The following BICRA variants were observed in gnomAD, a reference collection of about 807,000 sequenced individuals.
BICRA encodes BRD4-interacting chromatin-remodeling complex-associated protein.
BICRA carries 31 observed loss-of-function variants against 96.9 expected under a neutral mutation model. The observed-to-expected ratio is 0.32, with a 90% CI of 0.24 to 0.43. BICRA has a LOEUF of 0.43. BICRA is among the 20% of genes least tolerant of loss of function. The pLI is 1.00. For synonymous variants in BICRA, 1,350 were observed against 1,071.8 expected (o/e 1.26, Z -5.07); for missense variants, 2,283 against 2,190.3 (o/e 1.04, Z -0.84).
At chr19:47,674,629 G>A (rs968028090) in intron 4 of BICRA, among the ~76,000 whole-genome samples, 4 of 152,210 alleles carry the variant, frequency 2.6e-5, no homozygotes, top group African/African-American at 9.7e-5. Flanking sequence ...CAAGCTGTAG[G>A]CTGGGGCTGC....
At position 47,701,280 on chromosome 19, in the gene BICRA, G is replaced by A. The variant is rs746516144; in HGVS notation, c.3596-48G>A. On this transcript the variant is annotated intron_variant, in intron 14 of 14. Transcript: ENST00000594866. This position sits in a 1 kb window ranked among gnomAD's most constrained non-coding sequence, Gnocchi z 5.4. ...ACACAGCTCCTCCCAGCTCGGTCGGGGGGTCCTCATCCTAACCCCGCGGGT... is the reference window on the plus strand; with the variant it reads ...ACACAGCTCCTCCCAGCTCGGTCGGAGGGTCCTCATCCTAACCCCGCGGGT... 1.9e-5 allele frequency: 26 copies of A among 1,383,248 alleles called. No homozygotes were observed. The South Asian group carries it at 2.6e-4, about 14-fold the overall frequency. The allele number at this position is 1,383,248 out of a possible 1,614,324, so 85.7% of individuals were successfully genotyped here.
At position 47,694,462 on chromosome 19, in the gene BICRA, C is replaced by T. The variant is rs1465170411; in HGVS notation, c.2631C>T (p.Pro877=). 2 of 1,116,144 alleles carry T rather than the reference C, an allele frequency of 1.8e-6. No individual in the cohort carries two copies. The highest frequency in any genetic ancestry group is 1.3e-5 in the South Asian group (1 of 78,534). 69.1% of individuals were successfully genotyped at this position (1,116,144 alleles called of 1,614,324 possible). Residue 877 remains proline, a synonymous_variant, in exon 8 of 15, where the codon CCC becomes CCT. Coordinates refer to ENST00000594866, the MANE Select transcript of BICRA (RefSeq NM_001394372.1). ...CTGAGGGACCGCTGCCCCCAGCCCC[C>T]CACCTCCCTCCATCCTCCACCTCCT... ...QPPEGPLPPA[P]HLPPSSTSSA... is the part of the protein sequence containing the mutation.
intron 1 of BICRA, among the ~76,000 whole-genome samples, chr19:47,617,096 G>A (rs945372483): frequency 1.2e-3 from 4 of 3,438 alleles, no homozygotes; most frequent in Non-Finnish European, 2.4e-3. Flanking sequence ...CCAAAGTGCT[G>A]GGATTACAAA....
intron 1 of BICRA, among the ~76,000 whole-genome samples, chr19:47,633,227 C>T (rs1167651910): frequency 6.6e-6 from 1 of 151,570 alleles, no homozygotes; most frequent in Non-Finnish European, 1.5e-5. Context: ...TTATAGGTGC[C>T]CGCCACCACG....
intron 7 of BICRA, among the ~76,000 whole-genome samples, chr19:47,685,800 CATGCGT>C (rs1973147916): frequency 1.5e-5 from 2 of 137,730 alleles, no homozygotes; most frequent in East Asian, 2.1e-4. Flanking sequence ...CGCGCGCGCG[CATGCGT>C]ACATTTTCCC....
intron 1 of BICRA, among the ~76,000 whole-genome samples, chr19:47,620,941 C>G (rs1446477934): frequency 1.3e-5 from 2 of 152,126 alleles, no homozygotes; most frequent in African/African-American, 4.8e-5. Flanking sequence ...GGTCTTGGAG[C>G]CCCACTCGAT....
chr19:47,667,408 T>TC (rs1278474804), intron 1 of BICRA, among the ~76,000 whole-genome samples: 2 of 152,136 alleles, frequency 1.3e-5, no homozygotes, highest in Non-Finnish European at 2.9e-5. Context: ...AAATTCACCC[T>TC]CGGGACTGGT....
At chr19:47,668,225 G>A (rs1972811594) in intron 1 of BICRA, among the ~76,000 whole-genome samples, 2 of 152,166 alleles carry the variant, frequency 1.3e-5, no homozygotes, top group South Asian at 4.1e-4. Context: ...TGGGCCCGCA[G>A]TCAGCGTGGT....
chr19:47,611,433 C>A (rs1971905962), intron 1 of BICRA, among the ~76,000 whole-genome samples: 1 of 152,116 alleles, frequency 6.6e-6, no homozygotes, highest in African/African-American at 2.4e-5. Flanking sequence ...CCAGGCCTGG[C>A]CAGTGATGGG....
rs1973437121 is a variant in BICRA at position 47,701,277 on chromosome 19, C to CG, written c.3596-45dup. ...TGCACACAGCTCCTCCCAGCTCGGTCGGGGGGTCCTCATCCTAACCCCGCG... is the reference window on the plus strand; with the variant it reads ...TGCACACAGCTCCTCCCAGCTCGGTCGGGGGGGTCCTCATCCTAACCCCGCG... On this transcript the variant is annotated intron_variant, in intron 14 of 14. Transcript: ENST00000594866. The surrounding 1 kb of genome is among the most constrained non-coding windows in gnomAD (Gnocchi z 5.4). 3.7e-6 allele frequency: 5 copies of CG among 1,350,422 alleles called. No homozygotes were observed. Among genetic ancestry groups the CG allele is most frequent in the East Asian group, 2.3e-5 (1 of 43,004 alleles). The allele number at this position is 1,350,422 out of a possible 1,614,324, so 83.7% of individuals were successfully genotyped here.
chr19:47,694,030 C>G, intron 7 of BICRA, 85 bp from the exon 8 acceptor site: 1 of 1,424,512 alleles, frequency 7.0e-7, no homozygotes. Context: ...GCGGGGATGG[C>G]TGGGGACCCC....
intron 9 of BICRA, 89 bp from the exon 10 acceptor site, chr19:47,695,276 G>A (rs910168890): frequency 2.3e-5 from 18 of 784,556 alleles, no homozygotes; most frequent in South Asian, 1.3e-4. Flanking sequence ...GGAGGAGAGC[G>A]GTGGGGTACA....
intron 1 of BICRA, among the ~76,000 whole-genome samples, chr19:47,651,051 G>T (rs1048936778): frequency 3.9e-5 from 6 of 152,000 alleles, no homozygotes; most frequent in African/African-American, 1.4e-4. Context: ...ATTTGACTGC[G>T]CCTTGTCCCC....
intron 2 of BICRA, among the ~76,000 whole-genome samples, chr19:47,671,692 A>G: frequency 7.1e-6 from 1 of 140,166 alleles, no homozygotes; most frequent in Non-Finnish European, 1.6e-5. Context: ...GACGGGTAGA[A>G]GGATGGAGGG....
At chr19:47,671,060 T>C (rs1972855126) in intron 2 of BICRA, among the ~76,000 whole-genome samples, 1 of 152,110 alleles carries the variant, frequency 6.6e-6, no homozygotes, top group South Asian at 2.1e-4. Context: ...GGGAGGGTGA[T>C]CCGTGAACCC....
chr19:47,620,439 G>T (rs778854414), intron 1 of BICRA, among the ~76,000 whole-genome samples: 1 of 152,038 alleles, frequency 6.6e-6, no homozygotes, highest in Non-Finnish European at 1.5e-5. Context: ...GGTCAGGGCA[G>T]GTGGATCACC....
At chr19:47,619,784 T>C (rs191166410) in intron 1 of BICRA, among the ~76,000 whole-genome samples, 29 of 152,312 alleles carry the variant, frequency 1.9e-4, no homozygotes, top group African/African-American at 6.3e-4. Context: ...TGCCTGGATC[T>C]AATCTGGAGG....
intron 1 of BICRA, among the ~76,000 whole-genome samples, chr19:47,643,350 C>T (rs942257704): frequency 6.6e-6 from 1 of 152,224 alleles, no homozygotes; most frequent in Admixed American, 6.5e-5. Context: ...CCAAATACAT[C>T]TGGGGCCCCG....
At chr19:47,640,986 G>A (rs754310801) in intron 1 of BICRA, among the ~76,000 whole-genome samples, 3 of 141,622 alleles carry the variant, frequency 2.1e-5, no homozygotes, top group Non-Finnish European at 3.0e-5. Flanking sequence ...TGCAACATCC[G>A]CCTCCCGGGT....
Sources: gnomAD v4.1 joint callset for allele counts (sites outside exome capture counted in the v4.1 genomes callset) on GRCh38, gnomAD v4.1.1 for gene constraint, Gnocchi (gnomAD v3.1) non-coding constraint, MANE v1.5 for transcripts, NCBI Gene and HGNC (gene_info 2026-07-23, HGNC 2026-07-21) for gene names.